GPR158: variants seen among roughly 807,000 people sequenced by gnomAD.
The protein encoded by GPR158 is metabotropic glycine receptor.
GPR158 carries 30 observed loss-of-function variants against 78.2 expected under a neutral mutation model. That is an observed-to-expected ratio of 0.38 (90% CI 0.29 to 0.52). GPR158 has a LOEUF of 0.52. Among genes scored for constraint, GPR158 ranks in the 20% least tolerant of loss-of-function variants. GPR158 has a pLI of 0.83. For missense variants in GPR158, 1,463 were observed against 1,523.5 expected, an observed-to-expected ratio of 0.96 and a Z score of 0.66; for synonymous variants, 581 against 591.1, an observed-to-expected ratio of 0.98 and a Z score of 0.25.
intron 2 of GPR158, among the ~76,000 whole-genome samples, chr10:25,363,772 T>C (rs1329259): frequency 6.6e-6 from 1 of 151,696 alleles, no homozygotes; most frequent in East Asian, 2.0e-4. Flanking sequence ...AGCACTTAGG[T>C]TCCCCCTGTG....
chr10:25,594,456 G>T (rs958138752), intron 9 of GPR158, 59 bp downstream of exon 9: 1 of 735,382 alleles, frequency 1.4e-6, no homozygotes, highest in Admixed American at 2.4e-5. Context: ...ACATGGAGTT[G>T]TTTATCCTAT....
intron 4 of GPR158, among the ~76,000 whole-genome samples, chr10:25,429,019 A>G (rs907443757): frequency 6.6e-6 from 1 of 152,026 alleles, no homozygotes; most frequent in Admixed American, 6.6e-5. Context: ...CAGCATGGCC[A>G]ATGGAACTGT....
At chr10:25,395,459 A>G (rs185132346) in intron 2 of GPR158, among the ~76,000 whole-genome samples, 1 of 152,260 alleles carries the variant, frequency 6.6e-6, no homozygotes, top group African/African-American at 2.4e-5. Flanking sequence ...AATTCATAAA[A>G]GCAATTTTCA....
chr10:25,425,164 G>T (rs530990979), intron 4 of GPR158, among the ~76,000 whole-genome samples: 5 of 152,098 alleles, frequency 3.3e-5, no homozygotes, highest in Non-Finnish European at 5.9e-5. Flanking sequence ...GTTCACTCTT[G>T]ATTTGGCTGT....
At chr10:25,338,237 T>C (rs978935267) in intron 2 of GPR158, among the ~76,000 whole-genome samples, 1 of 150,628 alleles carries the variant, frequency 6.6e-6, no homozygotes, top group African/African-American at 2.4e-5. Flanking sequence ...CTTTAGAAGA[T>C]TTATTATTTC....
At chr10:25,240,984 T>C (rs950339591) in intron 2 of GPR158, among the ~76,000 whole-genome samples, 5 of 152,182 alleles carry the variant, frequency 3.3e-5, no homozygotes, top group Non-Finnish European at 7.3e-5. Context: ...TGTTTTCTAT[T>C]AAGAGGTTGA....
At chr10:25,537,412 T>C (rs956870643) in intron 5 of GPR158, among the ~76,000 whole-genome samples, 1 of 152,128 alleles carries the variant, frequency 6.6e-6, no homozygotes, top group East Asian at 1.9e-4. Context: ...GTAACAGATA[T>C]TGGAGTAGTT....
chr10:25,575,234 TAA>T (rs1837074618), intron 7 of GPR158, among the ~76,000 whole-genome samples: 1 of 152,208 alleles, frequency 6.6e-6, no homozygotes, highest in African/African-American at 2.4e-5. Flanking sequence ...ACTGTATGGT[TAA>T]GTTTATTGAA....
intron 2 of GPR158, among the ~76,000 whole-genome samples, chr10:25,327,123 T>G (rs1855047115): frequency 6.6e-6 from 1 of 152,128 alleles, no homozygotes; most frequent in Non-Finnish European, 1.5e-5. Flanking sequence ...TTAATAAAGC[T>G]GGAGAGAATT....
intron 5 of GPR158, among the ~76,000 whole-genome samples, chr10:25,496,932 A>G (rs888573381): frequency 3.3e-5 from 5 of 152,222 alleles, no homozygotes; most frequent in Non-Finnish European, 7.4e-5. Flanking sequence ...AGCAGTGGGA[A>G]CTTAGGAGAA....
At position 25,332,355 on chromosome 10, in the gene GPR158, G is replaced by A. The variant is rs1006616087; in HGVS notation, c.1009-63556G>A. Among the ~76,000 whole-genome samples, 4 of 152,276 alleles carry A rather than the reference G, an allele frequency of 2.6e-5. No individual in the cohort carries two copies. The East Asian group carries it at 7.7e-4, about 29-fold the overall frequency. On this transcript the variant is annotated intron_variant, in intron 2 of 10. Coordinates refer to ENST00000376351, the MANE Select transcript of GPR158 (RefSeq NM_020752.3). The stretch of plus-strand genomic sequence containing the variant: ...GATATTGACAATGTTTCTTAAGCTA[G>A]GACTTTCTTTTCCTTTTTGGTTTGT...
chr10:25,308,299 A>G (rs534025), intron 2 of GPR158, among the ~76,000 whole-genome samples: 18 of 152,130 alleles, frequency 1.2e-4, no homozygotes, highest in South Asian at 2.1e-4. Context: ...TGCTCTCCCG[A>G]CTCAAACCTA....
intron 5 of GPR158, among the ~76,000 whole-genome samples, chr10:25,528,466 C>T (rs1050616624): frequency 2.0e-5 from 3 of 151,960 alleles, no homozygotes; most frequent in Non-Finnish European, 4.4e-5. Context: ...GTGAATTTGT[C>T]AGGGTTCTAG....
intron 3 of GPR158, among the ~76,000 whole-genome samples, chr10:25,408,759 G>T (rs1834548778): frequency 1.3e-5 from 2 of 151,800 alleles, no homozygotes; most frequent in Admixed American, 1.3e-4. Flanking sequence ...ATCTCAAATT[G>T]CTCTTGGCCT....
At chr10:25,376,884 T>A (rs550046731) in intron 2 of GPR158, among the ~76,000 whole-genome samples, 1 of 151,716 alleles carries the variant, frequency 6.6e-6, no homozygotes, top group East Asian at 1.9e-4. Flanking sequence ...TCCTTTGATT[T>A]ATGTATATAA....
rs114270634 is a variant in GPR158, at chr10:25,390,281, A to T, written c.1009-5630A>T. ...AATTTACTTTAGAACTGGGTAACAG[A>T]TAGAGGTTGGAACAGTTTGGAGGGC... On this transcript the variant is annotated intron_variant, in intron 2 of 10. Coordinates refer to ENST00000376351, the MANE Select transcript of GPR158 (RefSeq NM_020752.3). Among the ~76,000 whole-genome samples the T allele has an allele frequency of 5.4e-3, 817 of 152,304 alleles. 9 individuals are homozygous for T. Among genetic ancestry groups the T allele is most frequent in the African/African-American group, 0.019 (781 of 41,568 alleles).
At chr10:25,483,216 A>G (rs1183843383) in intron 5 of GPR158, among the ~76,000 whole-genome samples, 4 of 152,048 alleles carry the variant, frequency 2.6e-5, no homozygotes, top group Non-Finnish European at 5.9e-5. Flanking sequence ...TTCATTCAGA[A>G]TGAAACCTAG....
chr10:25,349,908 A>G (rs1855433581), intron 2 of GPR158, among the ~76,000 whole-genome samples: 1 of 152,006 alleles, frequency 6.6e-6, no homozygotes, highest in South Asian at 2.1e-4. Flanking sequence ...GTGAGACTAA[A>G]GGAAAGCCGT....
At chr10:25,481,248 G>A (rs755729538) in intron 5 of GPR158, among the ~76,000 whole-genome samples, 1 of 152,142 alleles carries the variant, frequency 6.6e-6, no homozygotes, top group African/African-American at 2.4e-5. Flanking sequence ...GGGAGTTCCA[G>A]TTGGTGGGTT....
Sources: gnomAD v4.1 joint callset for allele counts (sites outside exome capture counted in the v4.1 genomes callset) on GRCh38, gnomAD v4.1.1 for gene constraint, MANE v1.5 for transcripts, NCBI Gene and HGNC (gene_info 2026-07-23, HGNC 2026-07-21) for gene names.